POLD4: variants seen among roughly 807,000 people sequenced by gnomAD.
POLD4 encodes the protein DNA polymerase delta 4, accessory subunit, also known as DNA polymerase delta subunit 4.
POLD4 carries 9 observed loss-of-function variants against 16.5 expected under a neutral mutation model. That is an observed-to-expected ratio of 0.55 (90% CI 0.33 to 0.95). POLD4 has a LOEUF of 0.95. Among genes scored for constraint, POLD4 ranks in the 40% least tolerant of loss-of-function variants. The pLI is 0.03. For synonymous variants in POLD4, 62 were observed against 57.6 expected (o/e 1.08, Z -0.35); for missense variants, 129 against 139.7 (o/e 0.92, Z 0.39).
chr11:67,351,601 A>T lies in POLD4; in HGVS notation c.*394T>A. ...GCATTAGTGAACCCCTTGCCCTGGG[A>T]GCTCAGCCAGTCCTGCTCTCAGATT... On this transcript the variant is annotated 3_prime_UTR_variant, in exon 4 of 4. Coordinates refer to ENST00000312419, the MANE Select transcript of POLD4 (RefSeq NM_021173.5). This position sits in a 1 kb window ranked among gnomAD's most constrained non-coding sequence, Gnocchi z 4.8. The T allele has an allele frequency of 5.0e-6, 1 of 201,534 alleles. No individual in the cohort carries two copies. The highest frequency in any genetic ancestry group is 1.0e-5 in the Non-Finnish European group (1 of 98,268). 12.5% of individuals were successfully genotyped at this position (201,534 alleles called of 1,614,324 possible).
chr11:67,352,567 T>G, intron 3 of POLD4, 124 bp downstream of exon 3: 1 of 664,748 alleles, frequency 1.5e-6, no homozygotes. Flanking sequence ...TCATAGAATC[T>G]TCTTGCCTGT....
chr11:67,351,581 A>G lies in POLD4; in HGVS notation c.*414T>C. The G allele has an allele frequency of 5.4e-6, 1 of 184,350 alleles. No individual in the cohort carries two copies. The highest frequency in any genetic ancestry group is 1.0e-4 in the South Asian group (1 of 10,022). 11.4% of individuals were successfully genotyped at this position (184,350 alleles called of 1,614,324 possible). On this transcript the variant is annotated 3_prime_UTR_variant, in exon 4 of 4. Transcript: ENST00000312419. This position sits in a 1 kb window ranked among gnomAD's most constrained non-coding sequence, Gnocchi z 4.8. ...TCAATATTCTTTATTGATAAGCATT[A>G]GTGAACCCCTTGCCCTGGGAGCTCA...
chr11:67,351,974 C>G lies in POLD4; in HGVS notation c.*21G>C. On this transcript the variant is annotated 3_prime_UTR_variant, in exon 4 of 4. Coordinates refer to ENST00000312419, the MANE Select transcript of POLD4 (RefSeq NM_021173.5). The surrounding 1 kb of genome is among the most constrained non-coding windows in gnomAD (Gnocchi z 4.8). ...GGGTGGTGAGCAAGAGAGCTAAGGG[C>G]AGGAGGTCTTACGTGGTGCCTCATA... 2 of 1,353,066 alleles carry G rather than the reference C, an allele frequency of 1.5e-6. No homozygotes were observed. Among genetic ancestry groups the G allele is most frequent in the Non-Finnish European group, 2.0e-6 (2 of 1,025,270 alleles). 83.8% of individuals were successfully genotyped at this position (1,353,066 alleles called of 1,614,324 possible).
At position 67,351,925 on chromosome 11, in the gene POLD4, T is replaced by C; in HGVS notation, c.*70A>G. On this transcript the variant is annotated 3_prime_UTR_variant, in exon 4 of 4. Coordinates refer to ENST00000312419, the MANE Select transcript of POLD4 (RefSeq NM_021173.5). This position sits in a 1 kb window ranked among gnomAD's most constrained non-coding sequence, Gnocchi z 4.8. ...GCTGAGCTGAGCAGGAGCAATGGGCTCTCGCTTCTGTCCTGAGGTTCTTGG... is the reference window on the plus strand; with the variant it reads ...GCTGAGCTGAGCAGGAGCAATGGGCCCTCGCTTCTGTCCTGAGGTTCTTGG... 1 of 1,516,406 alleles carries C rather than the reference T, an allele frequency of 6.6e-7. No individual in the cohort carries two copies. The highest frequency in any genetic ancestry group is 9.0e-7 in the Non-Finnish European group (1 of 1,111,106). The allele number at this position is 1,516,406 out of a possible 1,614,324, so 93.9% of individuals were successfully genotyped here.
rs1034955174 is a variant in POLD4 at position 67,351,799 on chromosome 11, C to T, written c.*196G>A. 16 of 591,258 alleles carry T rather than the reference C, an allele frequency of 2.7e-5. No individual in the cohort carries two copies. Among genetic ancestry groups the T allele is most frequent in the African/African-American group, 2.1e-4 (11 of 53,264 alleles). 36.6% of individuals were successfully genotyped at this position (591,258 alleles called of 1,614,324 possible). A position where few individuals can be genotyped will look rare whatever the true frequency, so the allele number is the denominator to read the frequency against. ...ATCTAGAAGCACTCTGCTTCAGCTG[C>T]GCAGGCTCTTCCGGGGACTCTGGGA... On this transcript the variant is annotated 3_prime_UTR_variant, in exon 4 of 4. Coordinates refer to ENST00000312419, the MANE Select transcript of POLD4 (RefSeq NM_021173.5). This position sits in a 1 kb window ranked among gnomAD's most constrained non-coding sequence, Gnocchi z 4.8.
intron 3 of POLD4, 37 bp downstream of exon 3, chr11:67,352,654 C>T (rs749337687): frequency 6.5e-7 from 1 of 1,544,364 alleles, no homozygotes; most frequent in Non-Finnish European, 8.9e-7. Flanking sequence ...GGAGAAGGCC[C>T]TGGCTCCCCT....
intron 1 of POLD4, 105 bp from the exon 2 acceptor site, chr11:67,353,182 C>T: frequency 6.7e-7 from 1 of 1,503,726 alleles, no homozygotes; most frequent in East Asian, 2.4e-5. Context: ...CGCAGCTAGA[C>T]CTGGTGTCGG....
At chr11:67,352,264 C>G (rs1355851811) in intron 3 of POLD4, 8 of 449,158 alleles carry the variant, frequency 1.8e-5, no homozygotes, top group Non-Finnish European at 2.8e-5. Flanking sequence ...AATCCCAGCA[C>G]TTTGGGAGGC....
At position 67,351,992 on chromosome 11, in the gene POLD4, G is replaced by A. The variant is rs372510404; in HGVS notation, c.*3C>T. On this transcript the variant is annotated 3_prime_UTR_variant, in exon 4 of 4. Transcript: ENST00000312419. The surrounding 1 kb of genome is among the most constrained non-coding windows in gnomAD (Gnocchi z 4.8). The stretch of plus-strand genomic sequence containing the variant: ...CTAAGGGCAGGAGGTCTTACGTGGT[G>A]CCTCATAGGGGATAGAGATGCCAGA... 72 of 1,343,958 alleles carry A rather than the reference G, an allele frequency of 5.4e-5. No homozygotes were observed. The highest frequency in any genetic ancestry group is 6.7e-5 in the Non-Finnish European group (68 of 1,014,940). 83.3% of individuals were successfully genotyped at this position (1,343,958 alleles called of 1,614,324 possible). A position where few individuals can be genotyped will look rare whatever the true frequency, so the allele number is the denominator to read the frequency against.
chr11:67,352,685 T>C lies in POLD4; in HGVS notation c.299+6A>G, dbSNP rs1861897588. 4 of 1,610,858 alleles carry C rather than the reference T, an allele frequency of 2.5e-6. No individual in the cohort carries two copies. The highest frequency in any genetic ancestry group is 3.4e-6 in the Non-Finnish European group (4 of 1,178,606). On this transcript the variant is annotated splice_donor_region_variant and intron_variant, in intron 3 of 3. Coordinates refer to ENST00000312419, the MANE Select transcript of POLD4 (RefSeq NM_021173.5). Reference sequence around the variant, plus strand: ...CCCCTGAAAGCCCTCCCGGCCTGTCTCTGACCTGCACTGGAAGCGGGGGTC... The same window carrying C: ...CCCCTGAAAGCCCTCCCGGCCTGTCCCTGACCTGCACTGGAAGCGGGGGTC...
intron 3 of POLD4, 27 bp downstream of exon 3, chr11:67,352,664 T>C (rs1438854962): frequency 6.3e-7 from 1 of 1,588,510 alleles, no homozygotes; most frequent in Non-Finnish European, 8.6e-7. Context: ...CTGGCTCCCC[T>C]GAAAGCCCTC....
intron 2 of POLD4, 82 bp from the exon 3 acceptor site, chr11:67,352,884 G>A (rs1431809377): frequency 7.4e-7 from 1 of 1,355,482 alleles, no homozygotes; most frequent in African/African-American, 1.4e-5. Flanking sequence ...GTTGGGGGGA[G>A]ACAGTTCCTG....
rs1477554435 is a variant in POLD4 at position 67,351,271 on chromosome 11, G to GCACCGCTTAGCAAGGCAGGTGGC, written c.*701_*723dup. The GCACCGCTTAGCAAGGCAGGTGGC allele has an allele frequency of 6.6e-6, 1 of 152,304 alleles. No individual in the cohort carries two copies. The highest frequency in any genetic ancestry group is 1.5e-5 in the Non-Finnish European group (1 of 68,104). The allele number at this position is 152,304 out of a possible 1,614,324, so 9.4% of individuals were successfully genotyped here. ...CAAAGCACCCATGTTTGTGAGGTGG[G>GCACCGCTTAGCAAGGCAGGTGGC]CACCGCTTAGCAAGGCAGGTGGCTG... On this transcript the variant is annotated 3_prime_UTR_variant, in exon 4 of 4. Coordinates refer to ENST00000312419, the MANE Select transcript of POLD4 (RefSeq NM_021173.5). This position sits in a 1 kb window ranked among gnomAD's most constrained non-coding sequence, Gnocchi z 4.8.
Position 67,352,980 on chromosome 11 carries a change from G to A in POLD4, c.187+8C>T, listed in dbSNP as rs536102872. The A allele has an allele frequency of 4.9e-5, 76 of 1,557,034 alleles. No homozygotes were observed. In the African/African-American group the frequency reaches 8.4e-4, roughly 17 times the overall value. On this transcript the variant is annotated splice_region_variant and intron_variant, in intron 2 of 3. Transcript: ENST00000312419. Reference sequence around the variant, plus strand: ...GAGGCGCCTCCGTGGGGCTGGGTGGGTTCTCACCGGTGCAGGGCCCGTACT... The same window carrying A: ...GAGGCGCCTCCGTGGGGCTGGGTGGATTCTCACCGGTGCAGGGCCCGTACT...
intron 1 of POLD4, 25 bp downstream of exon 1, chr11:67,353,278 C>T (rs747518956): frequency 1.9e-6 from 3 of 1,602,332 alleles, no homozygotes; most frequent in Non-Finnish European, 2.6e-6. Flanking sequence ...GTCCACTCCT[C>T]CTGCCTCCCT....
At position 67,351,898 on chromosome 11, in the gene POLD4, G is replaced by A. The variant is rs1039026574; in HGVS notation, c.*97C>T. The A allele has an allele frequency of 4.1e-5, 56 of 1,364,958 alleles. No individual in the cohort carries two copies. The highest frequency in any genetic ancestry group is 5.2e-5 in the Non-Finnish European group (51 of 979,740). 84.6% of individuals were successfully genotyped at this position (1,364,958 alleles called of 1,614,324 possible). A position where few individuals can be genotyped will look rare whatever the true frequency, so the allele number is the denominator to read the frequency against. On this transcript the variant is annotated 3_prime_UTR_variant, in exon 4 of 4. Coordinates refer to ENST00000312419, the MANE Select transcript of POLD4 (RefSeq NM_021173.5). This position sits in a 1 kb window ranked among gnomAD's most constrained non-coding sequence, Gnocchi z 4.8. Reference sequence around the variant, plus strand: ...GCCTGCCAAGGGTTCCTCCGCAGCCGGGCTGAGCTGAGCAGGAGCAATGGG... The same window carrying A: ...GCCTGCCAAGGGTTCCTCCGCAGCCAGGCTGAGCTGAGCAGGAGCAATGGG...
chr11:67,352,919 G>A, intron 2 of POLD4, 69 bp downstream of exon 2: 2 of 1,436,432 alleles, frequency 1.4e-6, no homozygotes, highest in Non-Finnish European at 1.9e-6. Flanking sequence ...GCAAGCGCTT[G>A]GGTGACTTCA....
In POLD4 at chr11:67,351,659, A is replaced by G; in HGVS notation, c.*336T>C. On this transcript the variant is annotated 3_prime_UTR_variant, in exon 4 of 4. Transcript: ENST00000312419. This position sits in a 1 kb window ranked among gnomAD's most constrained non-coding sequence, Gnocchi z 4.8. ...TTAGGTGGGAGAGCATCTTTTCCTC[A>G]TGGATCAACTGTCCATGTCTGACTG... The G allele has an allele frequency of 3.6e-6, 1 of 279,158 alleles. No homozygotes were observed. The highest frequency in any genetic ancestry group is 6.8e-6 in the Non-Finnish European group (1 of 146,110). The allele number at this position is 279,158 out of a possible 1,614,324, so 17.3% of individuals were successfully genotyped here. A position where few individuals can be genotyped will look rare whatever the true frequency, so the allele number is the denominator to read the frequency against.
intron 3 of POLD4, 91 bp downstream of exon 3, chr11:67,352,600 C>T (rs1389262037): frequency 2.1e-6 from 2 of 947,672 alleles, no homozygotes; most frequent in African/African-American, 1.6e-5. Context: ...TCCAACCCTC[C>T]ATCCATTTCT....
Sources: gnomAD v4.1 joint callset for allele counts on GRCh38, gnomAD v4.1.1 for gene constraint, Gnocchi (gnomAD v3.1) non-coding constraint, MANE v1.5 for transcripts, NCBI Gene and HGNC (gene_info 2026-07-23, HGNC 2026-07-21) for gene names.